Variants in CLASRP observed in about 807,000 individuals in gnomAD.
CLASRP encodes the protein CLK4-associating serine/arginine rich protein.
CLASRP carries 52 observed loss-of-function variants against 99.9 expected under a neutral mutation model. That is an observed-to-expected ratio of 0.52 (90% confidence interval 0.42 to 0.66). The LOEUF (loss-of-function observed/expected upper bound fraction) is 0.66. Among genes scored for constraint, CLASRP ranks in the 30% least tolerant of loss-of-function variants. The probability of loss-of-function intolerance (pLI) is 0.00; values close to 1 mark genes in which losing one functional copy is unlikely to be tolerated. For synonymous variants in CLASRP, 379 were observed against 373.0 expected, an observed-to-expected ratio of 1.02 and a Z score of -0.18; for missense variants, 848 against 999.2, an observed-to-expected ratio of 0.85 and a Z score of 2.04.
rs759482682 is a variant in CLASRP, at chr19:45,064,202, G to T, written c.1096G>T (p.Ala366Ser). The T allele has an allele frequency of 3.1e-6, 5 of 1,600,468 alleles. No homozygotes were observed. The highest frequency in any genetic ancestry group is 1.7e-4 in the Middle Eastern group (1 of 6,030). Residue 366 changes from alanine to serine, a missense_variant, in exon 12 of 21, where the codon GCC becomes TCC. By Grantham distance (99) the Ala-to-Ser change is moderately conservative. Transcript: ENST00000221455. The part of the protein sequence containing the change: ...PPAPPQPGGP[A>S]PGRNASARRR... Reference sequence around the variant, plus strand: ...CGCACCTCCCCAGCCTGGCGGCCCCGCCCCGGGACGTAATGCCAGCGCCCG... The same window carrying T: ...CGCACCTCCCCAGCCTGGCGGCCCCTCCCCGGGACGTAATGCCAGCGCCCG...
intron 2 of CLASRP, among the ~76,000 whole-genome samples, chr19:45,048,847 G>A (rs1339462709): frequency 5.3e-5 from 8 of 151,752 alleles, no homozygotes; most frequent in Non-Finnish European, 1.2e-4. Context: ...TTAGCCAAGC[G>A]TGGTGGCGGG....
chr19:45,064,323 C>A lies in CLASRP; in HGVS notation c.1122-20C>A. 6.6e-7 allele frequency: 1 copy of A among 1,517,514 alleles called. No individual in the cohort carries two copies. The highest frequency in any genetic ancestry group is 1.3e-5 in the South Asian group (1 of 79,864). 94.0% of individuals were successfully genotyped at this position (1,517,514 alleles called of 1,614,324 possible). On this transcript the variant is annotated intron_variant, in intron 12 of 20. Coordinates refer to ENST00000221455, the MANE Select transcript of CLASRP (RefSeq NM_007056.3). ...GCGGCTCAGGCCTGCGCTGACCGGC[C>A]CTCCGTGCCCCGCCTGCAGCCGCCG... is the stretch of plus-strand genomic sequence containing the variant.
intron 2 of CLASRP, among the ~76,000 whole-genome samples, chr19:45,043,733 G>A (rs1971860798): frequency 1.3e-5 from 2 of 152,094 alleles, no homozygotes; most frequent in Admixed American, 6.6e-5. Flanking sequence ...GCTTACCTCT[G>A]CCACCCAGGA....
intron 2 of CLASRP, among the ~76,000 whole-genome samples, chr19:45,050,164 G>A (rs1971995722): frequency 7.3e-6 from 1 of 136,790 alleles, no homozygotes; most frequent in Admixed American, 7.8e-5. Flanking sequence ...AATCAGAGAG[G>A]GACAGGCCAG....
At chr19:45,042,601 C>T (rs1038578404) in intron 2 of CLASRP, among the ~76,000 whole-genome samples, 1 of 151,576 alleles carries the variant, frequency 6.6e-6, no homozygotes, top group Non-Finnish European at 1.5e-5. Flanking sequence ...ATTCAAAATC[C>T]GAAATGCTCC....
Position 45,055,575 on chromosome 19 carries a change from A to G in CLASRP, c.380-875A>G, listed in dbSNP as rs186472923. ...GCCAGCCGGGCACGGTGGCTCATGC[A>G]TATAATCTCAGCACTTTGGGAGGTT... On this transcript the variant is annotated intron_variant, in intron 5 of 20. Coordinates refer to ENST00000221455, the MANE Select transcript of CLASRP (RefSeq NM_007056.3). Among the ~76,000 whole-genome samples, 566 of 152,262 alleles carry G rather than the reference A, an allele frequency of 3.7e-3. 2 individuals carry two copies. Among genetic ancestry groups the G allele is most frequent in the African/African-American group, 0.013 (538 of 41,556 alleles).
At position 45,054,679 on chromosome 19, in the gene CLASRP, A is replaced by AGATTCCCTTTCTTGG. The variant is rs1176264047; in HGVS notation, c.379+1511_379+1525dup. Among the ~76,000 whole-genome samples the AGATTCCCTTTCTTGG allele has an allele frequency of 4.6e-5, 7 of 152,280 alleles. No individual in the cohort carries two copies. In the East Asian group the frequency reaches 5.8e-4, roughly 13 times the overall value. Reference sequence around the variant, plus strand: ...TAACTCACCTACCAAGAAGGACTTGAGATTCCCTTTCTTGGGATTCCCTGT... The same window carrying AGATTCCCTTTCTTGG: ...TAACTCACCTACCAAGAAGGACTTGAGATTCCCTTTCTTGGGATTCCCTTTCTTGGGATTCCCTGT... On this transcript the variant is annotated intron_variant, in intron 5 of 20. Coordinates refer to ENST00000221455, the MANE Select transcript of CLASRP (RefSeq NM_007056.3).
chr19:45,061,269 A>AGGG (rs1456602580), intron 10 of CLASRP, among the ~76,000 whole-genome samples: 1 of 152,182 alleles, frequency 6.6e-6, no homozygotes, highest in Non-Finnish European at 1.5e-5. Flanking sequence ...TATCGGAAAC[A>AGGG]TTCCTTAAAG....
chr19:45,040,077 G>T, intron 1 of CLASRP, 107 bp from the exon 2 acceptor site: 1 of 608,364 alleles, frequency 1.6e-6, no homozygotes. Flanking sequence ...GAAGCTAAGA[G>T]ATGTGTTGTT....
rs1600107459 is a variant in CLASRP at position 45,060,039 on chromosome 19, C to T, written c.711-350C>T. Among the ~76,000 whole-genome samples, 1 of 152,172 alleles carries T rather than the reference C, an allele frequency of 6.6e-6. No individual in the cohort carries two copies. Among genetic ancestry groups the T allele is most frequent in the East Asian group, 1.9e-4 (1 of 5,182 alleles). ...CTCCCCCAGGTTTTTCTCTAGATACCCTGTTTTGTGTGGCTTCCCTGAGCT... is the reference window on the plus strand; with the variant it reads ...CTCCCCCAGGTTTTTCTCTAGATACTCTGTTTTGTGTGGCTTCCCTGAGCT... On this transcript the variant is annotated intron_variant, in intron 8 of 20. Coordinates refer to ENST00000221455, the MANE Select transcript of CLASRP (RefSeq NM_007056.3). The surrounding 1 kb of genome is among the most constrained non-coding windows in gnomAD (Gnocchi z 4.6).
At chr19:45,069,984 A>C (rs557273596) in intron 18 of CLASRP, 38 bp from the exon 19 acceptor site, 1 of 1,161,254 alleles carries the variant, frequency 8.6e-7, no homozygotes, top group East Asian at 2.3e-5. Context: ...CAGTGTGTCC[A>C]GTGTTCCCGG....
In CLASRP at chr19:45,068,012, C is replaced by A; in HGVS notation, c.1668-3C>A. 1 of 1,612,838 alleles carries A rather than the reference C, an allele frequency of 6.2e-7. No homozygotes were observed. Among genetic ancestry groups the A allele is most frequent in the Non-Finnish European group, 8.5e-7 (1 of 1,178,936 alleles). Reference sequence around the variant, plus strand: ...CATGTCCTCTGGCCCTGCCCCCACCCAGGACCGAACCTGCCGCTGGTAAAG... The same window carrying A: ...CATGTCCTCTGGCCCTGCCCCCACCAAGGACCGAACCTGCCGCTGGTAAAG... On this transcript the variant is annotated splice_region_variant and splice_polypyrimidine_tract_variant and intron_variant, in intron 14 of 20. Transcript: ENST00000221455.
In CLASRP at chr19:45,060,287, G is replaced by A; in HGVS notation, c.711-102G>A. The A allele has an allele frequency of 1.0e-6, 1 of 988,268 alleles. No homozygotes were observed. The highest frequency in any genetic ancestry group is 1.6e-6 in the Non-Finnish European group (1 of 620,218). The allele number at this position is 988,268 out of a possible 1,614,324, so 61.2% of individuals were successfully genotyped here. A position where few individuals can be genotyped will look rare whatever the true frequency, so the allele number is the denominator to read the frequency against. ...AATGAAAGATACCTCAGGCTGGCGTGGGGTGACTCAGGTCCCTCACTTTCT... is the reference window on the plus strand; with the variant it reads ...AATGAAAGATACCTCAGGCTGGCGTAGGGTGACTCAGGTCCCTCACTTTCT... On this transcript the variant is annotated intron_variant, in intron 8 of 20. Transcript: ENST00000221455. The surrounding 1 kb of genome is among the most constrained non-coding windows in gnomAD (Gnocchi z 4.6).
chr19:45,064,554 G>A lies in CLASRP; in HGVS notation c.1333G>A (p.Gly445Arg). 1 of 1,539,044 alleles carries A rather than the reference G, an allele frequency of 6.5e-7. No homozygotes were observed. The highest frequency in any genetic ancestry group is 8.7e-7 in the Non-Finnish European group (1 of 1,146,744). ...TAGCCGTGGCCGGCGGCACTCAGGT[G>A]GGGGCTCCCGAGACGGACACCGGTA... Reference protein sequence around the residue: ...SRSRGRRHSGGGSRDGHRYSR... With the variant: ...SRSRGRRHSGRGSRDGHRYSR... The change falls in exon 13 of 21, where the codon GGG (glycine) becomes AGG (arginine). Residue 445 changes from glycine (G) to arginine (R), a missense_variant. Gly to Arg is a moderately radical substitution (Grantham distance 125, BLOSUM62 -2). Around this residue, in one of 8 missense-constraint regions of CLASRP, gnomAD observed 489 missense variants for 434.7 expected, o/e 1.12. Transcript: ENST00000221455.
At chr19:45,043,235 G>GTGTGTGTGTC (rs59392736) in intron 2 of CLASRP, among the ~76,000 whole-genome samples, 1 of 147,808 alleles carries the variant, frequency 6.8e-6, no homozygotes, top group Non-Finnish European at 1.5e-5. Flanking sequence ...GTGTGTGTGT[G>GTGTGTGTGTC]TCCCGTCTCT....
chr19:45,064,702 CAGAG>C, intron 13 of CLASRP, 72 bp downstream of exon 13: 1 of 1,466,932 alleles, frequency 6.8e-7, no homozygotes, highest in African/African-American at 1.4e-5. Context: ...AGAAGGTGCT[CAGAG>C]GGAGGAAACC....
intron 13 of CLASRP, among the ~76,000 whole-genome samples, chr19:45,066,817 C>T (rs1967097802): frequency 6.6e-6 from 1 of 151,596 alleles, no homozygotes; most frequent in Admixed American, 6.6e-5. Flanking sequence ...CCACCAGTGT[C>T]CTGAGCAGGG....
intron 1 of CLASRP, among the ~76,000 whole-genome samples, 152 bp downstream of exon 1, chr19:45,039,260 C>G (rs1252319765): frequency 6.6e-6 from 1 of 152,170 alleles, no homozygotes; most frequent in African/African-American, 2.4e-5. Context: ...GCCTGACGGG[C>G]CTCAGGCCGA....
At chr19:45,044,455 C>G (rs1403140744) in intron 2 of CLASRP, among the ~76,000 whole-genome samples, 1 of 152,186 alleles carries the variant, frequency 6.6e-6, no homozygotes, top group African/African-American at 2.4e-5. Flanking sequence ...CACGGAGATA[C>G]GTGGCTTACA....
Sources: gnomAD v4.1 joint callset for allele counts (sites outside exome capture counted in the v4.1 genomes callset) on GRCh38, gnomAD v4.1.1 for gene constraint, gnomAD v4.1.1 regional missense constraint, Gnocchi (gnomAD v3.1) non-coding constraint, MANE v1.5 for transcripts, NCBI Gene and HGNC (gene_info 2026-07-23, HGNC 2026-07-21) for gene names.